TRPM5: variants seen among roughly 807,000 people sequenced by gnomAD.
TRPM5 encodes transient receptor potential cation channel subfamily M member 5, also known as MLSN1 and TRP-related.
Under a neutral mutation model 124.9 loss-of-function variants are expected in TRPM5, and 121 were observed. The ratio of observed to expected loss-of-function variants is 0.97; its 90% CI spans 0.84 to 1.13. The LOEUF (loss-of-function observed/expected upper bound fraction) is 1.13. Ranked by LOEUF, TRPM5 falls within the 50% of genes most tolerant of loss-of-function variation. TRPM5 has a pLI of 0.00. For synonymous variants in TRPM5, 781 were observed against 700.5 expected, an observed-to-expected ratio of 1.11 and a Z score of -1.81; for missense variants, 1,643 against 1,589.1, an observed-to-expected ratio of 1.03 and a Z score of -0.58.
At chr11:2,405,905 G>A in intron 22 of TRPM5, 114 bp downstream of exon 27, 2 of 1,008,168 alleles carry the variant, frequency 2.0e-6, no homozygotes, top group South Asian at 2.8e-5. Context: ...CTCCTGTCCT[G>A]GCTCTGGCCT....
exon 12 of TRPM5, chr11:2,414,163 G>T (rs763189993): frequency 6.2e-6 from 10 of 1,609,640 alleles, no homozygotes; most frequent in Non-Finnish European, 8.5e-6. Flanking sequence ...CCAGCAGGGC[G>T]AAGGCGCGGG....
exon 7 of TRPM5, chr11:2,417,786 T>C (rs1421925859): frequency 6.3e-7 from 1 of 1,586,354 alleles, no homozygotes; most frequent in South Asian, 1.1e-5. Context: ...CTGCTCGAAG[T>C]CATACACGGT....
intron 11 of TRPM5, among the ~76,000 whole-genome samples, 167 bp downstream of exon 16, chr11:2,414,548 C>T (rs1416362430): frequency 6.6e-6 from 1 of 152,158 alleles, no homozygotes; most frequent in Non-Finnish European, 1.5e-5. Context: ...GGGCCGCCTC[C>T]ACCCCAGGCA....
At chr11:2,412,499 C>G (rs1487691314) in intron 15 of TRPM5, among the ~76,000 whole-genome samples, 1 of 152,232 alleles carries the variant, frequency 6.6e-6, no homozygotes, top group African/African-American at 2.4e-5. Context: ...TATGCAGTGT[C>G]TGGACTCAGT....
chr11:2,433,919 G>C, the TRPM5 span, among the ~76,000 whole-genome samples: 1 of 152,284 alleles, frequency 6.6e-6, no homozygotes, highest in African/African-American at 2.4e-5. Flanking sequence ...TAGACATTGT[G>C]TGTGGCTGTG....
intron 7 of TRPM5, among the ~76,000 whole-genome samples, chr11:2,417,044 A>G (rs910881539): frequency 6.6e-6 from 1 of 152,188 alleles, no homozygotes; most frequent in Non-Finnish European, 1.5e-5. Context: ...GATGGTTCCC[A>G]GGGGCTGGGG....
At chr11:2,414,009 G>GGCCGCCCCCCCCCCCC in intron 12 of TRPM5, 52 bp downstream of exon 17, 1 of 1,023,734 alleles carries the variant, frequency 9.8e-7, no homozygotes, top group Non-Finnish European at 1.4e-6. Context: ...GGCCCAGCTC[G>GGCCGCCCCCCCCCCCC]CCCGCCCACC....
chr11:2,443,911 T>C, the TRPM5 span, among the ~76,000 whole-genome samples: 1 of 149,316 alleles, frequency 6.7e-6, no homozygotes, highest in Non-Finnish European at 1.5e-5. The surrounding 1 kb of genome is among the most constrained non-coding windows in gnomAD (Gnocchi z 5.0). Context: ...TCTTCCGATG[T>C]GACCAACCCA....
At chr11:2,424,111 T>A (rs1039357238), upstream of TRPM5, among the ~76,000 whole-genome samples, 6 of 152,248 alleles carry the variant, frequency 3.9e-5, no homozygotes, top group African/African-American at 1.4e-4. Flanking sequence ...TGGCAGCTCC[T>A]GATCCCACAG....
Position 2,418,187 on chromosome 11 carries a change from T to C in TRPM5, c.886A>G (p.Ile296Val), listed in dbSNP as rs138834368. Reference sequence around the variant, plus strand: ...CATACCAGCTTGGTCCAGCGCACGATGTCCTCCCAAGAGAAATGCTTGCTG... The same window carrying C: ...CATACCAGCTTGGTCCAGCGCACGACGTCCTCCCAAGAGAAATGCTTGCTG... Residue 296 changes from isoleucine (I) to valine (V), a missense_variant, in exon 6 of 24, where the codon ATC (isoleucine) becomes GTC (valine). Ile to Val is a conservative substitution (Grantham distance 29). Transcript: ENST00000155858. 8 of 1,578,654 alleles carry C rather than the reference T, an allele frequency of 5.1e-6. No individual in the cohort carries two copies. Among genetic ancestry groups the C allele is most frequent in the Non-Finnish European group, 6.9e-6 (8 of 1,160,712 alleles).
At chr11:2,419,374 A>C (rs917769237) in intron 4 of TRPM5, among the ~76,000 whole-genome samples, 1 of 151,862 alleles carries the variant, frequency 6.6e-6, no homozygotes, top group Non-Finnish European at 1.5e-5. Context: ...TTGGGAGGCC[A>C]AAGCAGGCAG....
intron 18 of TRPM5, among the ~76,000 whole-genome samples, chr11:2,410,953 A>T (rs1850433056): frequency 6.6e-6 from 1 of 152,092 alleles, no homozygotes; most frequent in African/African-American, 2.4e-5. Context: ...ACCCCGGATG[A>T]TGGCTGGGAC....
At chr11:2,417,706 G>GGGCCCCCCCCCCCCCCCC in intron 7 of TRPM5, 21 bp downstream of exon 12, 2 of 1,087,298 alleles carry the variant, frequency 1.8e-6, no homozygotes, top group South Asian at 1.3e-5. Context: ...CGCCTGCCTT[G>GGGCCCCCCCCCCCCCCCC]CCCACCCTGC....
intron 12 of TRPM5, 122 bp from the exon 18 acceptor site, chr11:2,413,710 C>A: frequency 1.1e-6 from 1 of 934,542 alleles, no homozygotes. Context: ...CCCAGCCCAG[C>A]CCTCCCTCCC....
At chr11:2,413,798 C>T (rs1850506154) in intron 12 of TRPM5, among the ~76,000 whole-genome samples, 1 of 152,186 alleles carries the variant, frequency 6.6e-6, no homozygotes, top group South Asian at 2.1e-4. Context: ...GTACCCTTCA[C>T]TAGGGAAAAG....
chr11:2,416,243 G>A (rs537130805), intron 7 of TRPM5, among the ~76,000 whole-genome samples: 3 of 152,346 alleles, frequency 2.0e-5, no homozygotes, highest in Admixed American at 6.5e-5. Flanking sequence ...GCGTCGGGAC[G>A]GCCCGTCTGC....
At chr11:2,423,426 GA>G (rs1845799463), upstream of TRPM5, among the ~76,000 whole-genome samples, 4 of 152,182 alleles carry the variant, frequency 2.6e-5, no homozygotes, top group Non-Finnish European at 5.9e-5. Flanking sequence ...AACTCCGAAA[GA>G]CTCAGCAGAG....
In TRPM5 at chr11:2,410,434, T is replaced by G. The variant is rs534374874; in HGVS notation, c.2782+918A>C. Among the ~76,000 whole-genome samples, 3 of 152,192 alleles carry G rather than the reference T, an allele frequency of 2.0e-5. No individual in the cohort carries two copies. In the South Asian group the frequency reaches 6.2e-4, roughly 32 times the overall value. ...GCCGCCTGACACCGCCTGAGCAGTT[T>G]CCCTGCACCTTCTCTGCCGGGTCTC... On this transcript the variant is annotated intron_variant, in intron 18 of 23. Transcript: ENST00000155858.
intron 4 of TRPM5, 118 bp downstream of exon 9, chr11:2,420,104 G>T: frequency 8.1e-7 from 1 of 1,229,234 alleles, no homozygotes; most frequent in Admixed American, 2.3e-5. Flanking sequence ...TGCGGGGTGC[G>T]TTCTGCCTGG....
Sources: allele counts gnomAD v4.1 joint callset (sites outside exome capture counted in the v4.1 genomes callset), GRCh38; gene constraint gnomAD v4.1.1; non-coding constraint Gnocchi (gnomAD v3.1); transcripts MANE v1.5; gene names NCBI Gene and HGNC (gene_info 2026-07-23, HGNC 2026-07-21).